Variants in TENM2 observed in about 807,000 individuals in gnomAD.
The protein encoded by TENM2 is teneurin-2.
TENM2 carries 52 observed loss-of-function variants against 245.2 expected under a neutral mutation model. The ratio of observed to expected loss-of-function variants is 0.21; its 90% CI spans 0.17 to 0.27. The LOEUF (loss-of-function observed/expected upper bound fraction) is 0.27, where lower values mean the gene tolerates loss of function less well. Among genes scored for constraint, TENM2 ranks in the 10% least tolerant of loss-of-function variants. TENM2 has a pLI of 1.00. For synonymous variants in TENM2, 1,363 were observed against 1,438.9 expected (o/e 0.95, Z 1.19); for missense variants, 3,046 against 3,666.8 (o/e 0.83, Z 4.37).
intron 2 of TENM2, among the ~76,000 whole-genome samples, chr5:167,597,064 T>C (rs1776266816): frequency 6.6e-6 from 1 of 152,000 alleles, no homozygotes; most frequent in Non-Finnish European, 1.5e-5. Flanking sequence ...CATGGAGTTA[T>C]GATGATTTCT....
chr5:167,197,502 C>T, the TENM2 span, among the ~76,000 whole-genome samples: 1 of 151,972 alleles, frequency 6.6e-6, no homozygotes, highest in Admixed American at 6.6e-5. Context: ...ATACTTTTTC[C>T]TGGGGCTGAT....
chr5:168,130,620 A>G (rs1263739254), intron 12 of TENM2, among the ~76,000 whole-genome samples: 1 of 152,206 alleles, frequency 6.6e-6, no homozygotes, highest in Non-Finnish European at 1.5e-5. Context: ...GACCTAGGCC[A>G]GGTGCAGTGG....
At chr5:166,991,537 A>C in the TENM2 span, among the ~76,000 whole-genome samples, 2 of 152,112 alleles carry the variant, frequency 1.3e-5, no homozygotes, top group Non-Finnish European at 2.9e-5. Context: ...TATTTTTAAA[A>C]ATGTTTGGGG....
chr5:167,997,688 G>A (rs528679937), intron 5 of TENM2, among the ~76,000 whole-genome samples: 1 of 152,140 alleles, frequency 6.6e-6, no homozygotes, highest in Non-Finnish European at 1.5e-5. Flanking sequence ...ATTTTTATGT[G>A]TTATGAAATA....
intron 2 of TENM2, among the ~76,000 whole-genome samples, chr5:167,503,506 A>G (rs577068391): frequency 3.6e-5 from 5 of 138,560 alleles, no homozygotes; most frequent in African/African-American, 1.3e-4. Context: ...ATGTGTCAGA[A>G]TAATGTCTTC....
chr5:168,152,582 C>T (rs1756749849), intron 12 of TENM2, among the ~76,000 whole-genome samples: 1 of 152,162 alleles, frequency 6.6e-6, no homozygotes, highest in Non-Finnish European at 1.5e-5. Flanking sequence ...CGTGCTTTGT[C>T]CCTATTTCCA....
intron 12 of TENM2, among the ~76,000 whole-genome samples, chr5:168,160,040 T>C (rs925179960): frequency 6.6e-6 from 1 of 152,168 alleles, no homozygotes; most frequent in Non-Finnish European, 1.5e-5. Context: ...GACCTCAAAG[T>C]AGCTAAATAA....
chr5:167,195,578 A>G, the TENM2 span, among the ~76,000 whole-genome samples: 2 of 152,204 alleles, frequency 1.3e-5, no homozygotes, highest in South Asian at 4.1e-4. Context: ...ATGAATTTTA[A>G]AAGAAAATAT....
At chr5:167,424,286 A>G (rs893719732) in intron 2 of TENM2, among the ~76,000 whole-genome samples, 3 of 152,058 alleles carry the variant, frequency 2.0e-5, no homozygotes, top group Non-Finnish European at 4.4e-5. Flanking sequence ...AGAGTACTTT[A>G]AATGAGTTAG....
At chr5:167,704,427 G>T (rs1381853060) in intron 2 of TENM2, among the ~76,000 whole-genome samples, 1 of 152,078 alleles carries the variant, frequency 6.6e-6, no homozygotes, top group Non-Finnish European at 1.5e-5. Flanking sequence ...ATACAAACGC[G>T]TAAGACCAAA....
At chr5:167,875,628 G>T (rs1305511199) in intron 2 of TENM2, among the ~76,000 whole-genome samples, 1 of 152,040 alleles carries the variant, frequency 6.6e-6, no homozygotes, top group East Asian at 1.9e-4. Flanking sequence ...TATGTGGCAA[G>T]AATGGAAGCA....
At chr5:167,753,220 T>C (rs1007071834) in intron 2 of TENM2, among the ~76,000 whole-genome samples, 6 of 152,330 alleles carry the variant, frequency 3.9e-5, no homozygotes, top group African/African-American at 1.2e-4. Context: ...GGAAGACTGC[T>C]ATATACGGAA....
chr5:168,089,028 G>A (rs1792701633), intron 7 of TENM2, among the ~76,000 whole-genome samples: 2 of 152,164 alleles, frequency 1.3e-5, no homozygotes, highest in Non-Finnish European at 2.9e-5. Flanking sequence ...ATGTTCTCTG[G>A]AAGTCAGCAT....
chr5:167,465,568 G>A (rs930563005), intron 2 of TENM2, among the ~76,000 whole-genome samples: 7 of 152,212 alleles, frequency 4.6e-5, no homozygotes, highest in African/African-American at 1.4e-4. Flanking sequence ...GGTGGCTCAC[G>A]CCTGTAATCC....
chr5:166,984,848 A>G, the TENM2 span, among the ~76,000 whole-genome samples: 6 of 152,150 alleles, frequency 3.9e-5, no homozygotes, highest in African/African-American at 1.4e-4. Context: ...ATATAGTTAT[A>G]TATTACACAT....
At chr5:167,984,791 T>C (rs1172977048) in intron 4 of TENM2, among the ~76,000 whole-genome samples, 1 of 152,198 alleles carries the variant, frequency 6.6e-6, no homozygotes, top group Non-Finnish European at 1.5e-5. Context: ...GCAGTATCCA[T>C]CATTTTTCTC....
At chr5:167,763,227 T>G (rs895208258) in intron 2 of TENM2, among the ~76,000 whole-genome samples, 15 of 152,252 alleles carry the variant, frequency 9.9e-5, no homozygotes, top group Non-Finnish European at 2.1e-4. Context: ...AAGTAATATT[T>G]GGGATACCTT....
At chr5:167,432,212 C>A (rs531781187) in intron 2 of TENM2, among the ~76,000 whole-genome samples, 2 of 151,648 alleles carry the variant, frequency 1.3e-5, no homozygotes, top group South Asian at 4.1e-4. Flanking sequence ...AACAGCTCAT[C>A]ATCAACGTGA....
intron 12 of TENM2, among the ~76,000 whole-genome samples, chr5:168,160,986 A>T (rs1209085986): frequency 6.6e-6 from 1 of 152,150 alleles, no homozygotes; most frequent in East Asian, 1.9e-4. Context: ...AGCTATGATC[A>T]TGCCACTGCA....
Sources: gnomAD v4.1 joint callset for allele counts (sites outside exome capture counted in the v4.1 genomes callset) on GRCh38, gnomAD v4.1.1 for gene constraint, MANE v1.5 for transcripts, NCBI Gene and HGNC (gene_info 2026-07-23, HGNC 2026-07-21) for gene names.